The following PPARGC1A variants were observed in gnomAD, a reference collection of about 807,000 sequenced individuals.
PPARGC1A encodes peroxisome proliferator-activated receptor gamma coactivator 1-alpha.
PPARGC1A carries 25 observed loss-of-function variants against 88.7 expected under a neutral mutation model. That is an observed-to-expected ratio of 0.28 (90% CI 0.21 to 0.39). The LOEUF is 0.39. PPARGC1A is among the 10% of genes least tolerant of loss of function. The probability of loss-of-function intolerance (pLI) is 1.00; values close to 1 mark genes in which losing one functional copy is unlikely to be tolerated. For synonymous variants in PPARGC1A, 363 were observed against 355.6 expected, an observed-to-expected ratio of 1.02 and a Z score of -0.24; for missense variants, 880 against 968.7, an observed-to-expected ratio of 0.91 and a Z score of 1.22.
At chr4:24,183,731 C>T in the PPARGC1A span, among the ~76,000 whole-genome samples, 1 of 152,136 alleles carries the variant, frequency 6.6e-6, no homozygotes, top group Non-Finnish European at 1.5e-5. Flanking sequence ...TTACCTATAT[C>T]TGGAACATCT....
chr4:23,812,768 C>T lies in PPARGC1A; in HGVS notation c.1998G>A (p.Glu666=), dbSNP rs773718836. The part of the protein sequence containing the change: ...KRESERAKQR[E]RQRQKAIEER... ...TTACAATTGCCTTCTGCCTCTGCCT[C>T]TCCCTTTGCTTGGCCCTCTCAGACT... The change falls in exon 10 of 13, where the codon GAG becomes GAA. Residue 666 remains glutamate (E), a synonymous_variant. Transcript: ENST00000264867. The T allele has an allele frequency of 1.9e-6, 3 of 1,614,000 alleles. No individual in the cohort carries two copies. The highest frequency in any genetic ancestry group is 2.2e-5 in the South Asian group (2 of 91,082).
At chr4:24,217,786 G>C in the PPARGC1A span, among the ~76,000 whole-genome samples, 1 of 152,048 alleles carries the variant, frequency 6.6e-6, no homozygotes, top group East Asian at 1.9e-4. Flanking sequence ...CTGGGCAACA[G>C]AGTGAGACTC....
intron 2 of PPARGC1A, among the ~76,000 whole-genome samples, chr4:23,872,117 G>A (rs60743940): frequency 0.045 from 6,782 of 152,234 alleles, 206 homozygotes; most frequent in African/African-American, 0.084. Flanking sequence ...CAGGCAAAAA[G>A]CGTGTCAGTC....
the PPARGC1A span, among the ~76,000 whole-genome samples, chr4:24,230,998 A>G: frequency 6.6e-6 from 1 of 151,176 alleles, no homozygotes; most frequent in Admixed American, 6.6e-5. Flanking sequence ...GTATTGTTTG[A>G]TCAGGAATGG....
At chr4:24,051,202 A>AC in the PPARGC1A span, among the ~76,000 whole-genome samples, 1 of 151,244 alleles carries the variant, frequency 6.6e-6, no homozygotes, top group South Asian at 2.1e-4. Context: ...AAAAAAAAAA[A>AC]AAAAAAAAAA....
chr4:24,066,274 T>A, the PPARGC1A span, among the ~76,000 whole-genome samples: 1 of 152,040 alleles, frequency 6.6e-6, no homozygotes, highest in Non-Finnish European at 1.5e-5. Flanking sequence ...CCACAAACTA[T>A]TGCCAGGCAA....
At chr4:24,092,588 C>T in the PPARGC1A span, among the ~76,000 whole-genome samples, 55,312 of 151,908 alleles carry the variant, frequency 0.36, 10,505 homozygotes, top group African/African-American at 0.43. Flanking sequence ...ACGGTAAATT[C>T]ACTACCTCCC....
chr4:23,956,264 C>G, the PPARGC1A span, among the ~76,000 whole-genome samples: 2 of 152,094 alleles, frequency 1.3e-5, no homozygotes, highest in African/African-American at 4.8e-5. Flanking sequence ...ACCTGTGGAT[C>G]TTATTAAAAT....
chr4:23,961,055 G>A, the PPARGC1A span, among the ~76,000 whole-genome samples: 8 of 152,126 alleles, frequency 5.3e-5, no homozygotes, highest in South Asian at 2.1e-4. Flanking sequence ...GTATGTGTGC[G>A]TGTGTAATTT....
At chr4:24,018,816 G>A in the PPARGC1A span, among the ~76,000 whole-genome samples, 1 of 151,608 alleles carries the variant, frequency 6.6e-6, no homozygotes, top group Non-Finnish European at 1.5e-5. Context: ...CCACCTGGGG[G>A]ACCTCACCTC....
intron 3 of PPARGC1A, 185 bp downstream of exon 3, chr4:23,831,372 A>C: frequency 2.1e-6 from 1 of 479,294 alleles, no homozygotes; most frequent in Non-Finnish European, 3.7e-6. Flanking sequence ...GACTACACGA[A>C]GACGTGTATT....
chr4:24,057,839 A>G, the PPARGC1A span, among the ~76,000 whole-genome samples: 1 of 152,358 alleles, frequency 6.6e-6, no homozygotes, highest in African/African-American at 2.4e-5. Context: ...CACAGCACTC[A>G]GGGAATTGCT....
At chr4:24,040,017 C>A in the PPARGC1A span, among the ~76,000 whole-genome samples, 5 of 152,324 alleles carry the variant, frequency 3.3e-5, no homozygotes, top group Non-Finnish European at 5.9e-5. Flanking sequence ...GCCAGGATAT[C>A]TCCACATCCC....
the PPARGC1A span, among the ~76,000 whole-genome samples, chr4:24,093,763 T>C: frequency 6.6e-6 from 1 of 152,236 alleles, no homozygotes; most frequent in Non-Finnish European, 1.5e-5. Context: ...GTTCGAAGCA[T>C]AGTCTTTGAA....
chr4:24,206,602 CAGG>C, the PPARGC1A span, among the ~76,000 whole-genome samples: 3 of 152,064 alleles, frequency 2.0e-5, no homozygotes, highest in Non-Finnish European at 4.4e-5. Flanking sequence ...GAGGCTGAGG[CAGG>C]TTGATCACTT....
chr4:23,842,946 T>A (rs1727329407), intron 2 of PPARGC1A, among the ~76,000 whole-genome samples: 1 of 152,174 alleles, frequency 6.6e-6, no homozygotes, highest in Admixed American at 6.6e-5. Context: ...AACACATTTT[T>A]ATTTATTCAA....
the PPARGC1A span, among the ~76,000 whole-genome samples, chr4:24,398,941 G>T: frequency 2.0e-5 from 3 of 152,186 alleles, no homozygotes; most frequent in Admixed American, 6.5e-5. Flanking sequence ...TCCCCACCCA[G>T]AGGTAAAGCT....
chr4:23,889,596 A>G (rs868793413), intron 1 of PPARGC1A, among the ~76,000 whole-genome samples: 4 of 152,298 alleles, frequency 2.6e-5, no homozygotes, highest in East Asian at 1.9e-4. Flanking sequence ...TCTGATTCAT[A>G]TCAATATCTT....
At chr4:23,997,334 A>C in the PPARGC1A span, among the ~76,000 whole-genome samples, 1 of 151,882 alleles carries the variant, frequency 6.6e-6, no homozygotes, top group Non-Finnish European at 1.5e-5. Flanking sequence ...GAGAAGTTGG[A>C]TTAGGTAAAA....
Sources: gnomAD v4.1 joint callset for allele counts (sites outside exome capture counted in the v4.1 genomes callset) on GRCh38, gnomAD v4.1.1 for gene constraint, MANE v1.5 for transcripts, NCBI Gene and HGNC (gene_info 2026-07-23, HGNC 2026-07-21) for gene names.